SNX32: variants seen among roughly 807,000 people sequenced by gnomAD.
SNX32 encodes sorting nexin-32.
SNX32 carries 58 observed loss-of-function variants against 57.0 expected under a neutral mutation model. The ratio of observed to expected loss-of-function variants is 1.02; its 90% CI spans 0.82 to 1.27. SNX32 has a LOEUF of 1.27. SNX32 is among the 50% of genes most tolerant of loss of function. The probability of loss-of-function intolerance (pLI) is 0.00; values close to 1 mark genes in which losing one functional copy is unlikely to be tolerated. For missense variants in SNX32, 589 were observed against 541.2 expected, an observed-to-expected ratio of 1.09 and a Z score of -0.88; for synonymous variants, 262 against 220.4, an observed-to-expected ratio of 1.19 and a Z score of -1.67.
intron 1 of SNX32, among the ~76,000 whole-genome samples, chr11:65,845,591 A>G (rs1294793554): frequency 1.3e-5 from 2 of 152,040 alleles, no homozygotes; most frequent in Admixed American, 6.6e-5. Flanking sequence ...GCAAAAAATT[A>G]GCCAGGCATG....
In SNX32 at chr11:65,852,774, G is replaced by A. The variant is rs749362753; in HGVS notation, c.1057G>A (p.Asp353Asn). 3.2e-5 allele frequency: 52 copies of A among 1,609,454 alleles called. No homozygotes were observed. The highest frequency in any genetic ancestry group is 6.7e-5 in the East Asian group (3 of 44,806). ...LCCQRFERLSDSAKQELMDFK... is the reference protein window; with the variant it reads ...LCCQRFERLSNSAKQELMDFK... ...CTGCCAACGCTTCGAGCGCCTCTCC[G>A]ACTCCGCCAAGCAAGGTGAGCCCGC... Residue 353 changes from aspartate (D) to asparagine (N), a missense_variant, in exon 11 of 13, where the codon GAC (aspartate) becomes AAC (asparagine). By Grantham distance (23) the Asp-to-Asn change is conservative. Coordinates refer to ENST00000308342, the MANE Select transcript of SNX32 (RefSeq NM_152760.3).
intron 9 of SNX32, among the ~76,000 whole-genome samples, 199 bp downstream of exon 9, chr11:65,851,878 G>C (rs955866235): frequency 6.6e-6 from 1 of 152,090 alleles, no homozygotes; most frequent in Non-Finnish European, 1.5e-5. Flanking sequence ...TGTGTTGGGG[G>C]GTGCAGGGGC....
At chr11:65,844,052 A>G (rs1463635473) in intron 1 of SNX32, among the ~76,000 whole-genome samples, 1 of 152,214 alleles carries the variant, frequency 6.6e-6, no homozygotes, top group Non-Finnish European at 1.5e-5. Flanking sequence ...AAAGTAAAAA[A>G]GACTAACAAT....
In SNX32 at chr11:65,852,569, C is replaced by T. The variant is rs201325063; in HGVS notation, c.912+18C>T. On this transcript the variant is annotated intron_variant, in intron 10 of 12. Transcript: ENST00000308342. ...CAGCCAAGGTGAGAGGCAGCCCCAGCGCAGCGCTCAGGCCCGGATGCCAGG... is the reference window on the plus strand; with the variant it reads ...CAGCCAAGGTGAGAGGCAGCCCCAGTGCAGCGCTCAGGCCCGGATGCCAGG... The T allele has an allele frequency of 6.2e-6, 10 of 1,614,096 alleles. No homozygotes were observed. Among genetic ancestry groups the T allele is most frequent in the African/African-American group, 1.3e-5 (1 of 75,034 alleles).
At chr11:65,837,253 CAATT>C (rs1332450370) in intron 1 of SNX32, among the ~76,000 whole-genome samples, 1 of 151,794 alleles carries the variant, frequency 6.6e-6, no homozygotes, top group African/African-American at 2.4e-5. Flanking sequence ...CTAAATTCTC[CAATT>C]TAAAAAAATA....
In SNX32 at chr11:65,851,651, A is replaced by G; in HGVS notation, c.797A>G (p.Lys266Arg). ...EVNQLRTSFL[K>R]LAELFERLRK... Reference sequence around the variant, plus strand: ...CTACTGCTTCCTAGGAGCTTCCTCAAATTGGCAGAGCTCTTTGAACGGCTG... The same window carrying G: ...CTACTGCTTCCTAGGAGCTTCCTCAGATTGGCAGAGCTCTTTGAACGGCTG... Residue 266 changes from lysine (K) to arginine (R), a missense_variant, in exon 9 of 13, where the codon AAA (lysine) becomes AGA (arginine). Coordinates refer to ENST00000308342, the MANE Select transcript of SNX32 (RefSeq NM_152760.3). The G allele has an allele frequency of 6.2e-7, 1 of 1,614,072 alleles. No homozygotes were observed.
chr11:65,847,014 G>GTTT (rs35264328), intron 1 of SNX32, among the ~76,000 whole-genome samples: 2 of 142,428 alleles, frequency 1.4e-5, no homozygotes, highest in Non-Finnish European at 1.5e-5. Context: ...AGTTTTTTTT[G>GTTT]TTTTTTTTTT....
rs1859121397 is a variant in SNX32, at chr11:65,850,032, T to C, written c.252+2T>C. On this transcript the variant is annotated splice_donor_variant, in intron 3 of 12. Coordinates refer to ENST00000308342, the MANE Select transcript of SNX32 (RefSeq NM_152760.3). LOFTEE classifies it high-confidence loss of function. ...AATGAGGAGTACGCCGGCCTCATCG[T>C]GAGGAGGGGCTGGGCAGGGGCTGGG... 6.2e-7 allele frequency: 1 copy of C among 1,613,970 alleles called. No individual in the cohort carries two copies. The highest frequency in any genetic ancestry group is 1.3e-5 in the African/African-American group (1 of 74,932).
At chr11:65,850,991 G>A (rs1317372144) in intron 6 of SNX32, 64 bp from the exon 7 acceptor site, 1 of 1,534,128 alleles carries the variant, frequency 6.5e-7, no homozygotes, top group African/African-American at 1.4e-5. Context: ...GCCAACCCTG[G>A]GTGCCTGTGT....
chr11:65,851,894 C>T (rs1859209898), intron 9 of SNX32, among the ~76,000 whole-genome samples: 1 of 152,108 alleles, frequency 6.6e-6, no homozygotes. Context: ...GGGGCATGCA[C>T]ATGTATGCAC....
intron 1 of SNX32, among the ~76,000 whole-genome samples, chr11:65,840,994 G>A (rs1356503869): frequency 6.6e-6 from 1 of 151,312 alleles, no homozygotes; most frequent in African/African-American, 2.4e-5. Context: ...CACCCAGGCT[G>A]GAGTGCAATG....
At chr11:65,838,147 ACT>A (rs1205291537) in intron 1 of SNX32, among the ~76,000 whole-genome samples, 11 of 151,300 alleles carry the variant, frequency 7.3e-5, no homozygotes, top group Non-Finnish European at 7.4e-5. Context: ...CGGGAGTGAA[ACT>A]CTGTCAAAAA....
At chr11:65,844,559 T>C (rs188730321) in intron 1 of SNX32, among the ~76,000 whole-genome samples, 45 of 152,324 alleles carry the variant, frequency 3.0e-4, no homozygotes, top group African/African-American at 9.9e-4. Context: ...ATTGGTTTAG[T>C]CACCTTAGAA....
At chr11:65,851,202 C>A (rs914715077) in intron 7 of SNX32, 42 bp downstream of exon 7, 40 of 1,602,298 alleles carry the variant, frequency 2.5e-5, no homozygotes, top group Non-Finnish European at 3.2e-5. Context: ...CTGCCCCTCT[C>A]CCCAGCGGTT....
chr11:65,838,610 A>G (rs868023159), intron 1 of SNX32, among the ~76,000 whole-genome samples: 3 of 152,362 alleles, frequency 2.0e-5, no homozygotes, highest in South Asian at 4.1e-4. Flanking sequence ...TTTAAATAAC[A>G]TGATTAATCA....
chr11:65,849,241 T>G (rs759202263), intron 1 of SNX32, among the ~76,000 whole-genome samples: 2 of 152,218 alleles, frequency 1.3e-5, no homozygotes, highest in Non-Finnish European at 2.9e-5. Flanking sequence ...TTGTCTCAGC[T>G]TCAACAGCTG....
At chr11:65,834,210 CT>C in intron 1 of SNX32, 109 bp downstream of exon 1, 1 of 993,282 alleles carries the variant, frequency 1.0e-6, no homozygotes, top group Non-Finnish European at 1.5e-6. Context: ...TGGTCTGCCT[CT>C]GTGTGTTTCT....
chr11:65,851,051 T>G lies in SNX32; in HGVS notation c.604-4T>G. Reference sequence around the variant, plus strand: ...GTAAATGGGGTCCTGCCTGGCTCCCTTAGGAGGTGGATGACTTCTTTGAGC... The same window carrying G: ...GTAAATGGGGTCCTGCCTGGCTCCCGTAGGAGGTGGATGACTTCTTTGAGC... On this transcript the variant is annotated splice_polypyrimidine_tract_variant and splice_region_variant and intron_variant, in intron 6 of 12. Coordinates refer to ENST00000308342, the MANE Select transcript of SNX32 (RefSeq NM_152760.3). The G allele has an allele frequency of 6.2e-7, 1 of 1,612,874 alleles. No homozygotes were observed. The highest frequency in any genetic ancestry group is 8.5e-7 in the Non-Finnish European group (1 of 1,178,868).
At chr11:65,853,203 G>C in intron 12 of SNX32, 79 bp from the exon 13 acceptor site, 2 of 1,590,380 alleles carry the variant, frequency 1.3e-6, no homozygotes, top group African/African-American at 2.7e-5. Flanking sequence ...TGGGGAGCGA[G>C]GGAGCATCTA....
Sources: gnomAD v4.1 joint callset for allele counts (sites outside exome capture counted in the v4.1 genomes callset) on GRCh38, gnomAD v4.1.1 for gene constraint, MANE v1.5 for transcripts, NCBI Gene and HGNC (gene_info 2026-07-23, HGNC 2026-07-21) for gene names.